WWOX: variants seen among roughly 807,000 people sequenced by gnomAD.
WWOX encodes the protein WW domain containing oxidoreductase.
Under a neutral mutation model 46.2 loss-of-function variants are expected in WWOX, and 69 were observed. That is an observed-to-expected ratio of 1.49 (90% CI 1.23 to 1.82). WWOX has a LOEUF of 1.82. Ranked by LOEUF, WWOX falls within the 40% of genes most tolerant of loss-of-function variation. The pLI is 0.00. For missense variants in WWOX, 919 were observed against 542.6 expected (o/e 1.69, Z -6.89); for synonymous variants, 359 against 202.6 (o/e 1.77, Z -6.56).
chr16:78,757,390 C>T (rs972927938), intron 8 of WWOX, among the ~76,000 whole-genome samples: 2 of 152,156 alleles, frequency 1.3e-5, no homozygotes, highest in Non-Finnish European at 2.9e-5. Context: ...TGCGCTTTTG[C>T]AAAGGTACAT....
intron 8 of WWOX, chr16:78,825,276 G>A (rs980100363): frequency 1.8e-5 from 5 of 284,032 alleles, no homozygotes; most frequent in Non-Finnish European, 2.8e-5. Context: ...GTGTGCAGCA[G>A]CATGATGGCC....
rs1463477270 is a variant in WWOX, at chr16:78,342,870, A to G, written c.517-43990A>G. Among the ~76,000 whole-genome samples the G allele has an allele frequency of 1.7e-5, 2 of 120,714 alleles. 1 individual carries two copies. The highest frequency in any genetic ancestry group is 5.6e-5 in the African/African-American group (2 of 35,538). 79.2% of individuals were successfully genotyped at this position (120,714 alleles called of 152,430 possible). On this transcript the variant is annotated intron_variant, in intron 5 of 8. Coordinates refer to ENST00000566780, the MANE Select transcript of WWOX (RefSeq NM_016373.4). ...CATATTTCTTAGTGAGGGGACCCAG[A>G]ATGATCCCTTTTGTGCTAGAGGATC...
chr16:78,921,748 T>C (rs1405567458), intron 8 of WWOX, among the ~76,000 whole-genome samples: 2 of 151,716 alleles, frequency 1.3e-5, no homozygotes, highest in African/African-American at 4.8e-5. Context: ...CTGTGAGGAG[T>C]AAGGGGTAAC....
chr16:78,928,703 T>A (rs1226132963), intron 8 of WWOX, among the ~76,000 whole-genome samples: 1 of 152,162 alleles, frequency 6.6e-6, no homozygotes. Context: ...TCAGTTGGTA[T>A]ATTTGGCTCT....
chr16:78,454,651 A>T (rs553536481), intron 8 of WWOX, among the ~76,000 whole-genome samples: 1 of 151,324 alleles, frequency 6.6e-6, no homozygotes, highest in Admixed American at 6.6e-5. Flanking sequence ...GATTACAGGC[A>T]TGCGCCACCA....
At chr16:78,722,806 C>T in intron 8 of WWOX, among the ~76,000 whole-genome samples, 1 of 150,706 alleles carries the variant, frequency 6.6e-6, no homozygotes. Context: ...TTTAGGAGGC[C>T]AAGGCAGGAG....
At chr16:79,152,334 G>C (rs1338995501) in intron 8 of WWOX, among the ~76,000 whole-genome samples, 1 of 152,162 alleles carries the variant, frequency 6.6e-6, no homozygotes, top group African/African-American at 2.4e-5. Flanking sequence ...GAGTGGAAGA[G>C]GAGTCTGGGG....
At chr16:78,656,299 A>G (rs939574866) in intron 8 of WWOX, among the ~76,000 whole-genome samples, 1 of 152,028 alleles carries the variant, frequency 6.6e-6, no homozygotes. Context: ...CCACTCCAAC[A>G]TGCATGTCCT....
chr16:78,392,163 G>T (rs2082189389), intron 6 of WWOX, among the ~76,000 whole-genome samples: 1 of 152,076 alleles, frequency 6.6e-6, no homozygotes, highest in Non-Finnish European at 1.5e-5. Flanking sequence ...GCAAGCATAG[G>T]AAGCTGCGTC....
chr16:78,448,665 G>C (rs1015231489), intron 8 of WWOX, among the ~76,000 whole-genome samples: 4 of 152,180 alleles, frequency 2.6e-5, no homozygotes, highest in African/African-American at 9.7e-5. Flanking sequence ...TGAGGGGTGA[G>C]GAAGTTAAAA....
At chr16:78,650,829 G>A (rs551027577) in intron 8 of WWOX, among the ~76,000 whole-genome samples, 4 of 151,942 alleles carry the variant, frequency 2.6e-5, no homozygotes, top group Non-Finnish European at 4.4e-5. Context: ...ATTTTTGCCA[G>A]CCAGCCACGC....
chr16:78,519,512 A>G (rs1328336323), intron 8 of WWOX, among the ~76,000 whole-genome samples: 5 of 151,794 alleles, frequency 3.3e-5, no homozygotes, highest in Non-Finnish European at 5.9e-5. Flanking sequence ...TATATTACAT[A>G]TGGATATATA....
At chr16:78,620,712 C>T (rs762562066) in intron 8 of WWOX, among the ~76,000 whole-genome samples, 1 of 151,852 alleles carries the variant, frequency 6.6e-6, no homozygotes, top group African/African-American at 2.4e-5. Context: ...CCTTTTTGCA[C>T]AGCGATGGGT....
At chr16:78,453,299 T>G (rs570905125) in intron 8 of WWOX, among the ~76,000 whole-genome samples, 5 of 151,992 alleles carry the variant, frequency 3.3e-5, no homozygotes, top group African/African-American at 9.7e-5. Flanking sequence ...TAGCGGTGCC[T>G]GTAATCCCAG....
At chr16:78,970,173 C>T (rs1276238250) in intron 8 of WWOX, among the ~76,000 whole-genome samples, 1 of 152,158 alleles carries the variant, frequency 6.6e-6, no homozygotes, top group Non-Finnish European at 1.5e-5. Context: ...CTACCCCACA[C>T]ATCCTCCTGC....
chr16:79,067,311 A>T (rs935492114), intron 8 of WWOX, among the ~76,000 whole-genome samples: 2 of 152,218 alleles, frequency 1.3e-5, no homozygotes, highest in South Asian at 4.1e-4. Flanking sequence ...GTCCTGCATG[A>T]CTTGAGTCCC....
intron 8 of WWOX, among the ~76,000 whole-genome samples, chr16:78,902,428 C>T (rs1037749885): frequency 6.6e-6 from 1 of 152,216 alleles, no homozygotes; most frequent in Non-Finnish European, 1.5e-5. Context: ...AGCAGCGCCA[C>T]GCGGGGCGGG....
chr16:79,086,472 A>T (rs1324176371), intron 8 of WWOX, among the ~76,000 whole-genome samples: 2 of 152,226 alleles, frequency 1.3e-5, no homozygotes, highest in African/African-American at 4.8e-5. Context: ...AGATTAACTT[A>T]TCAAAACTTG....
rs1232120355 is a variant in WWOX, at chr16:78,424,870, G to T, written c.606G>T (p.Val202=). 6.2e-7 allele frequency: 1 copy of T among 1,613,912 alleles called. No individual in the cohort carries two copies. The highest frequency in any genetic ancestry group is 2.2e-5 in the East Asian group (1 of 44,866). The change falls in exon 7 of 9, where the codon GTG becomes GTT. Residue 202 remains valine (V), a splice_region_variant and synonymous_variant. Transcript: ENST00000566780. ...TCACATGGGATATTTTATTTTTCAG[G>T]CCTCTTCATGTGCTTGTGTGCAACG... ...HFAEAFKAKN[V]PLHVLVCNAA...
Sources: gnomAD v4.1 joint callset for allele counts (sites outside exome capture counted in the v4.1 genomes callset) on GRCh38, gnomAD v4.1.1 for gene constraint, MANE v1.5 for transcripts, NCBI Gene and HGNC (gene_info 2026-07-23, HGNC 2026-07-21) for gene names.